Variants in RBFOX3 observed in about 807,000 individuals in gnomAD.
RBFOX3 encodes the protein RNA binding fox-1 homolog 3, also known as RNA binding protein fox-1 homolog 3.
A neutral mutation model predicts 48.7 loss-of-function variants in RBFOX3; 17 were observed. The ratio of observed to expected loss-of-function variants is 0.35; its 90% CI spans 0.24 to 0.52. RBFOX3 has a LOEUF of 0.52. RBFOX3 is among the 20% of genes least tolerant of loss of function. RBFOX3 has a pLI of 0.94. For synonymous variants in RBFOX3, 212 were observed against 209.5 expected, an observed-to-expected ratio of 1.01 and a Z score of -0.10; for missense variants, 382 against 497.5, an observed-to-expected ratio of 0.77 and a Z score of 2.21.
At chr17:79,316,976 G>A (rs773409633) in intron 2 of RBFOX3, among the ~76,000 whole-genome samples, 63 of 152,226 alleles carry the variant, frequency 4.1e-4, no homozygotes, top group Non-Finnish European at 7.5e-4. Context: ...ACACTCACCC[G>A]CAAATGTGCA....
At chr17:79,581,993 C>T (rs961035808) in intron 1 of RBFOX3, among the ~76,000 whole-genome samples, 25 of 133,134 alleles carry the variant, frequency 1.9e-4, no homozygotes, top group Middle Eastern at 5.7e-3. Flanking sequence ...TATGCAAGCA[C>T]GTGCCTGCCC....
rs140977152 is a variant in RBFOX3, at chr17:79,220,239, G to T, written c.-34+15527C>A. Among the ~76,000 whole-genome samples the T allele has an allele frequency of 0.013, 2,031 of 152,324 alleles. 36 individuals carry two copies. The highest frequency in any genetic ancestry group is 0.045 in the African/African-American group (1,869 of 41,564). On this transcript the variant is annotated intron_variant, in intron 4 of 14. Coordinates refer to ENST00000693108, the MANE Select transcript of RBFOX3 (RefSeq NM_001350451.2). The surrounding 1 kb of genome is among the most constrained non-coding windows in gnomAD (Gnocchi z 5.9). The stretch of plus-strand genomic sequence containing the variant: ...CCACAGCAGGCTCCCGGGGAGGAGG[G>T]GAGGAGACCCAATCAGGGAAGCGGC...
At chr17:79,215,211 C>T (rs748129445) in intron 4 of RBFOX3, among the ~76,000 whole-genome samples, 23 of 152,096 alleles carry the variant, frequency 1.5e-4, no homozygotes, top group Non-Finnish European at 2.6e-4. Flanking sequence ...AGCTCCCAGG[C>T]CCCAGACTGC....
chr17:79,515,076 C>A (rs1214563394), intron 1 of RBFOX3, among the ~76,000 whole-genome samples: 1 of 152,168 alleles, frequency 6.6e-6, no homozygotes, highest in East Asian at 1.9e-4. Context: ...CTGCCTGGGT[C>A]CCTCAGCCTG....
At chr17:79,097,663 T>TACCAAACCCCCCCCCCCC in intron 10 of RBFOX3, 29 bp downstream of exon 10, 1 of 1,384,076 alleles carries the variant, frequency 7.2e-7, no homozygotes, top group African/African-American at 1.6e-5. Flanking sequence ...GCTGGTCTCA[T>TACCAAACCCCCCCCCCCC]CCCATCCCCG....
intron 4 of RBFOX3, among the ~76,000 whole-genome samples, chr17:79,171,418 A>C (rs2145746236): frequency 6.6e-6 from 1 of 152,340 alleles, no homozygotes; most frequent in East Asian, 1.9e-4. Flanking sequence ...TTTGCTGGCC[A>C]TATGGTCTCT....
At chr17:79,314,920 T>C (rs1218256251) in intron 2 of RBFOX3, among the ~76,000 whole-genome samples, 4 of 151,860 alleles carry the variant, frequency 2.6e-5, no homozygotes, top group African/African-American at 4.8e-5. Context: ...TTTTTTTTTT[T>C]TTAAGACTAA....
chr17:79,355,408 C>T (rs2084785765), intron 2 of RBFOX3, among the ~76,000 whole-genome samples: 1 of 152,278 alleles, frequency 6.6e-6, no homozygotes, highest in South Asian at 2.1e-4. Context: ...GGATACCCGC[C>T]CCCGTTTCCA....
intron 4 of RBFOX3, among the ~76,000 whole-genome samples, chr17:79,221,071 A>C (rs1051761278): frequency 6.6e-6 from 1 of 152,186 alleles, no homozygotes; most frequent in Non-Finnish European, 1.5e-5. Context: ...TTGAGGACTC[A>C]CTGCCCTGCA....
chr17:79,524,221 G>A (rs985991678), intron 1 of RBFOX3, among the ~76,000 whole-genome samples: 7 of 152,192 alleles, frequency 4.6e-5, no homozygotes, highest in Admixed American at 3.3e-4. Flanking sequence ...AAAGGGTACT[G>A]CAGACAACAA....
intron 4 of RBFOX3, among the ~76,000 whole-genome samples, chr17:79,190,414 CAAA>C (rs71161650): frequency 3.2e-5 from 3 of 93,522 alleles, no homozygotes; most frequent in Non-Finnish European, 4.3e-5. Context: ...TCTGTCTCAC[CAAA>C]AAAAAAAAAA....
At chr17:79,345,583 T>A (rs937919320) in intron 2 of RBFOX3, among the ~76,000 whole-genome samples, 6 of 152,186 alleles carry the variant, frequency 3.9e-5, no homozygotes, top group Admixed American at 1.3e-4. Context: ...AGGTTAAACA[T>A]CTCTTTTTAT....
At chr17:79,273,283 T>C (rs1025313915) in intron 3 of RBFOX3, among the ~76,000 whole-genome samples, 2 of 152,188 alleles carry the variant, frequency 1.3e-5, no homozygotes, top group African/African-American at 2.4e-5. Context: ...CCACTTGCAC[T>C]CTTGTCATTT....
chr17:79,099,524 C>T (rs889715065), intron 9 of RBFOX3: 1 of 152,246 alleles, frequency 6.6e-6, no homozygotes, highest in African/African-American at 2.4e-5. Flanking sequence ...GAGACCCTGA[C>T]CCCAAGCCCA....
rs932240573 is a variant in RBFOX3, at chr17:79,482,102, G to A, written c.-175+352C>T. Among the ~76,000 whole-genome samples, 22 of 152,254 alleles carry A rather than the reference G, an allele frequency of 1.4e-4. No individual in the cohort carries two copies. Among genetic ancestry groups the A allele is most frequent in the African/African-American group, 5.3e-4 (22 of 41,528 alleles). On this transcript the variant is annotated intron_variant, in intron 2 of 14. Transcript: ENST00000693108. This position sits in a 1 kb window ranked among gnomAD's most constrained non-coding sequence, Gnocchi z 4.1. Reference sequence around the variant, plus strand: ...AGCAGAACACGAACCGTGCAGGGGAGGGTCAGGCCCTGACTTTGGACTCTA... The same window carrying A: ...AGCAGAACACGAACCGTGCAGGGGAAGGTCAGGCCCTGACTTTGGACTCTA...
At chr17:79,385,169 T>C (rs1734724714) in intron 2 of RBFOX3, among the ~76,000 whole-genome samples, 1 of 151,934 alleles carries the variant, frequency 6.6e-6, no homozygotes, top group African/African-American at 2.4e-5. Context: ...GGGAAATAAC[T>C]GGGAAGGGCA....
At chr17:79,439,733 C>G (rs530992381) in intron 2 of RBFOX3, among the ~76,000 whole-genome samples, 2 of 152,244 alleles carry the variant, frequency 1.3e-5, no homozygotes, top group African/African-American at 4.8e-5. Flanking sequence ...CACCACACAC[C>G]GTGCATATGC....
rs1054389957 is a variant in RBFOX3 at position 79,316,448 on chromosome 17, G to A, written c.-174-8624C>T. Among the ~76,000 whole-genome samples the A allele has an allele frequency of 7.2e-5, 11 of 152,324 alleles. No individual in the cohort carries two copies. In the South Asian group the frequency reaches 2.3e-3, roughly 32 times the overall value. Reference sequence around the variant, plus strand: ...CAGCCCTCCTTGGGCAGGGGCGATGGCTCCCACCTCTGCTCCCAGCCAGGG... The same window carrying A: ...CAGCCCTCCTTGGGCAGGGGCGATGACTCCCACCTCTGCTCCCAGCCAGGG... On this transcript the variant is annotated intron_variant, in intron 2 of 14. Coordinates refer to ENST00000693108, the MANE Select transcript of RBFOX3 (RefSeq NM_001350451.2).
intron 2 of RBFOX3, among the ~76,000 whole-genome samples, chr17:79,345,574 G>A (rs1034642599): frequency 2.6e-5 from 4 of 152,068 alleles, no homozygotes; most frequent in African/African-American, 9.7e-5. Context: ...TGATTAGTGA[G>A]GTTAAACATC....
Sources: allele counts gnomAD v4.1 joint callset (sites outside exome capture counted in the v4.1 genomes callset), GRCh38; gene constraint gnomAD v4.1.1; non-coding constraint Gnocchi (gnomAD v3.1); transcripts MANE v1.5; gene names NCBI Gene and HGNC (gene_info 2026-07-23, HGNC 2026-07-21).